Variants in RBFOX1 observed in about 807,000 individuals in gnomAD.
RBFOX1 encodes RNA binding fox-1 homolog 1, also known as RNA binding protein fox-1 homolog 1.
Under a neutral mutation model 57.7 loss-of-function variants are expected in RBFOX1, and 8 were observed. That is an observed-to-expected ratio of 0.14 (90% CI 0.08 to 0.25). The LOEUF (loss-of-function observed/expected upper bound fraction) is 0.25. RBFOX1 is among the 10% of genes least tolerant of loss of function. The probability of loss-of-function intolerance (pLI) is 1.00; values close to 1 mark genes in which losing one functional copy is unlikely to be tolerated. For synonymous variants in RBFOX1, 326 were observed against 222.4 expected (o/e 1.47, Z -4.15); for missense variants, 611 against 548.5 (o/e 1.11, Z -1.14).
chr16:6,355,951 C>A (rs185873720), intron 2 of RBFOX1, among the ~76,000 whole-genome samples: 119 of 152,130 alleles, frequency 7.8e-4, no homozygotes, highest in African/African-American at 2.7e-3. Flanking sequence ...ACACATGGGC[C>A]AAACTTAAAG....
At chr16:7,458,956 C>G (rs726475) in intron 4 of RBFOX1, among the ~76,000 whole-genome samples, 147,643 of 152,364 alleles carry the variant, frequency 0.97, 71,549 homozygotes, top group East Asian at 1. Flanking sequence ...TATATCCTTG[C>G]AGTGCCTTTC....
In RBFOX1 at chr16:6,949,661, C is replaced by T. The variant is rs1006885075; in HGVS notation, c.-15-102396C>T. Among the ~76,000 whole-genome samples the T allele has an allele frequency of 2.6e-5, 4 of 152,106 alleles. No homozygotes were observed. In the South Asian group the frequency reaches 8.3e-4, roughly 32 times the overall value. On this transcript the variant is annotated intron_variant, in intron 3 of 15. Transcript: ENST00000550418. ...CAGTCAAATTGGATTAAATCCCCAACCTTATGACCTCCTTTGACCTTAATT... is the reference window on the plus strand; with the variant it reads ...CAGTCAAATTGGATTAAATCCCCAATCTTATGACCTCCTTTGACCTTAATT...
chr16:6,923,556 T>G (rs536753134), intron 3 of RBFOX1, among the ~76,000 whole-genome samples: 3 of 151,910 alleles, frequency 2.0e-5, no homozygotes, highest in South Asian at 4.2e-4. Flanking sequence ...TAAAAAGATG[T>G]GGTATTCTGT....
At chr16:6,292,253 C>T (rs990465760) in intron 1 of RBFOX1, among the ~76,000 whole-genome samples, 1 of 151,956 alleles carries the variant, frequency 6.6e-6, no homozygotes, top group Non-Finnish European at 1.5e-5. Context: ...AAGTGAGATG[C>T]CATCTCTAAA....
At chr16:6,139,055 AGTT>A (rs2096691494) in intron 1 of RBFOX1, among the ~76,000 whole-genome samples, 1 of 152,078 alleles carries the variant, frequency 6.6e-6, no homozygotes, top group Non-Finnish European at 1.5e-5. Context: ...TACTATATAC[AGTT>A]ATTAGTGTTG....
At chr16:7,687,691 G>C (rs558454569) in intron 14 of RBFOX1, among the ~76,000 whole-genome samples, 1 of 152,134 alleles carries the variant, frequency 6.6e-6, no homozygotes, top group East Asian at 1.9e-4. Flanking sequence ...AACCTGGTAA[G>C]CATGATTATA....
At chr16:7,560,022 T>C (rs962632553) in intron 5 of RBFOX1, among the ~76,000 whole-genome samples, 2 of 152,200 alleles carry the variant, frequency 1.3e-5, no homozygotes, top group African/African-American at 2.4e-5. Context: ...AAAAGATTTA[T>C]CTTGAGTGCA....
At chr16:6,194,237 A>G (rs1272993785) in intron 1 of RBFOX1, among the ~76,000 whole-genome samples, 1 of 152,144 alleles carries the variant, frequency 6.6e-6, no homozygotes, top group Non-Finnish European at 1.5e-5. Flanking sequence ...CCTCCTGAAG[A>G]GCCACAGAAT....
intron 3 of RBFOX1, among the ~76,000 whole-genome samples, chr16:6,904,119 A>G (rs76932394): frequency 0.012 from 1,762 of 152,264 alleles, 32 homozygotes; most frequent in African/African-American, 0.04. Flanking sequence ...TATACCTAAT[A>G]GTGCAGTTCG....
At chr16:7,232,487 C>T (rs145724318) in intron 4 of RBFOX1, among the ~76,000 whole-genome samples, 2 of 152,218 alleles carry the variant, frequency 1.3e-5, no homozygotes, top group East Asian at 1.9e-4. Context: ...CAAATACCTC[C>T]CCACACACAT....
At chr16:7,131,962 TA>T (rs1350137759) in intron 4 of RBFOX1, among the ~76,000 whole-genome samples, 2 of 151,532 alleles carry the variant, frequency 1.3e-5, no homozygotes, top group Non-Finnish European at 2.9e-5. Flanking sequence ...TGGAGAACTT[TA>T]AAAAACATTG....
chr16:7,551,088 CAAAAAAAA>C (rs539169022), intron 5 of RBFOX1, among the ~76,000 whole-genome samples: 3 of 76,738 alleles, frequency 3.9e-5, no homozygotes, highest in Non-Finnish European at 5.3e-5. Context: ...GAGCGAGACT[CAAAAAAAA>C]AAAAAAAAAG....
At chr16:7,277,053 C>T (rs1002313) in intron 4 of RBFOX1, among the ~76,000 whole-genome samples, 104 of 152,182 alleles carry the variant, frequency 6.8e-4, no homozygotes, top group African/African-American at 2.4e-3. Context: ...TTGTCTGCAG[C>T]CCTTTAAGAA....
Position 5,293,566 on chromosome 16 carries a change from G to A in RBFOX1, c.219+53461G>A, listed in dbSNP as rs190546987. ...TCCAAGGTCCATCCACATGTAGTAG[G>A]CACCAATACTTCCATTGTATGGATA... On this transcript the variant is annotated intron_variant, in intron 1 of 2. Transcript: ENST00000585867. 6.6e-5 allele frequency among the ~76,000 whole-genome samples: 10 copies of A among 152,210 alleles called. No individual in the cohort carries two copies. The East Asian group carries it at 1.9e-3, about 29-fold the overall frequency.
At chr16:6,704,442 C>G (rs954261055) in intron 3 of RBFOX1, 1 of 152,310 alleles carries the variant, frequency 6.6e-6, no homozygotes, top group African/African-American at 2.4e-5. Flanking sequence ...CCACATGGCT[C>G]TAGCTGGGCT....
intron 4 of RBFOX1, among the ~76,000 whole-genome samples, chr16:7,325,477 A>AGAATAAC (rs2096599277): frequency 6.6e-6 from 1 of 152,244 alleles, no homozygotes; most frequent in Admixed American, 6.5e-5. Flanking sequence ...TAATGCCACA[A>AGAATAAC]GAATAACATA....
chr16:6,022,485 A>G (rs2095101802), intron 1 of RBFOX1, among the ~76,000 whole-genome samples: 2 of 152,124 alleles, frequency 1.3e-5, no homozygotes, highest in African/African-American at 4.8e-5. Flanking sequence ...GTTCAAGACC[A>G]GCCTGGACAA....
intron 4 of RBFOX1, among the ~76,000 whole-genome samples, chr16:5,985,882 G>A (rs145291223): frequency 2.0e-5 from 3 of 152,216 alleles, no homozygotes; most frequent in Non-Finnish European, 2.9e-5. Context: ...TCACACTTAC[G>A]TTTGAGAAGA....
intron 4 of RBFOX1, among the ~76,000 whole-genome samples, chr16:7,387,916 C>G (rs768362556): frequency 2.6e-5 from 4 of 152,140 alleles, no homozygotes; most frequent in Non-Finnish European, 5.9e-5. Flanking sequence ...CCACTTTCGC[C>G]TTTATTTTAC....
Sources: allele counts gnomAD v4.1 joint callset (sites outside exome capture counted in the v4.1 genomes callset), GRCh38; gene constraint gnomAD v4.1.1; transcripts MANE v1.5; gene names NCBI Gene and HGNC (gene_info 2026-07-23, HGNC 2026-07-21).